Variants in RAPGEF6 observed in about 807,000 individuals in gnomAD.
RAPGEF6 encodes the protein PDZ domain containing guanine nucleotide exchange factor (GEF) 2.
A neutral mutation model predicts 171.4 loss-of-function variants in RAPGEF6; 56 were observed. That is an observed-to-expected ratio of 0.33 (90% CI 0.26 to 0.41). RAPGEF6 has a LOEUF of 0.41. Among genes scored for constraint, RAPGEF6 ranks in the 10% least tolerant of loss-of-function variants. RAPGEF6 has a pLI of 1.00. For missense variants in RAPGEF6, 1,674 were observed against 1,921.4 expected, an observed-to-expected ratio of 0.87 and a Z score of 2.41; for synonymous variants, 692 against 650.1, an observed-to-expected ratio of 1.06 and a Z score of -0.98.
At chr5:131,443,148 G>T (rs943745384) in intron 22 of RAPGEF6, among the ~76,000 whole-genome samples, 14 of 152,084 alleles carry the variant, frequency 9.2e-5, no homozygotes, top group East Asian at 1.9e-4. Context: ...TCTCCATGTT[G>T]GTCAGTCTGG....
intron 4 of RAPGEF6, among the ~76,000 whole-genome samples, chr5:131,588,976 A>G (rs1008216080): frequency 5.9e-5 from 9 of 152,166 alleles, no homozygotes; most frequent in Admixed American, 4.6e-4. Flanking sequence ...AGACTGAGAC[A>G]GGAGAATTGC....
intron 11 of RAPGEF6, 23 bp from the exon 12 acceptor site, chr5:131,498,630 G>T (rs1015694902): frequency 4.4e-6 from 7 of 1,600,888 alleles, no homozygotes; most frequent in Non-Finnish European, 6.0e-6. Context: ...GGATAGGAAG[G>T]ATTAGAAAAT....
chr5:131,520,997 C>G (rs1758438409), intron 7 of RAPGEF6, among the ~76,000 whole-genome samples: 2 of 152,164 alleles, frequency 1.3e-5, no homozygotes, highest in African/African-American at 4.8e-5. Context: ...GGTAGAAAAG[C>G]AGCTCTAATT....
intron 7 of RAPGEF6, among the ~76,000 whole-genome samples, chr5:131,512,532 C>G (rs1554077456): frequency 6.6e-6 from 1 of 152,150 alleles, no homozygotes; most frequent in South Asian, 2.1e-4. Flanking sequence ...ACACCTACAA[C>G]TAGAAGAGTC....
Position 131,429,211 on chromosome 5 carries a change from A to G in RAPGEF6, c.4471T>C (p.Cys1491Arg), listed in dbSNP as rs752837398. ...SSTEKGLIVYCVTSPKKDDRY... is the reference protein window; with the variant it reads ...SSTEKGLIVYRVTSPKKDDRY... ...TCGTCCTTCTTGGGTGAGGTGACAC[A>G]GTACACTGGCATGAAAAATAAGCAA... Residue 1491 changes from cysteine (C) to arginine (R), a missense_variant, in exon 27 of 28, where the codon TGT (cysteine) becomes CGT (arginine). Coordinates refer to ENST00000509018, the MANE Select transcript of RAPGEF6 (RefSeq NM_016340.6). The G allele has an allele frequency of 3.2e-6, 5 of 1,579,026 alleles. No homozygotes were observed. In the South Asian group the frequency reaches 5.7e-5, roughly 18 times the overall value.
At position 131,461,934 on chromosome 5, in the gene RAPGEF6, T is replaced by G. The variant is rs1342619431; in HGVS notation, c.2635A>C (p.Ile879Leu). ...SMRDFDLFRNIEPTEYIDDLF... is the reference protein window; with the variant it reads ...SMRDFDLFRNLEPTEYIDDLF... ...TCATCGATGTACTCAGTCGGTTCAA[T>G]ATTACGAAACAAATCAAAGTCCCTC... The change falls in exon 19 of 28, where the codon ATT becomes CTT. Residue 879 changes from isoleucine to leucine, a missense_variant. By Grantham distance (5) the Ile-to-Leu change is conservative. Coordinates refer to ENST00000509018, the MANE Select transcript of RAPGEF6 (RefSeq NM_016340.6). 21 of 1,614,144 alleles carry G rather than the reference T, an allele frequency of 1.3e-5. No homozygotes were observed. The highest frequency in any genetic ancestry group is 1.8e-5 in the Non-Finnish European group (21 of 1,180,008).
At chr5:131,525,242 A>G (rs962812346) in intron 6 of RAPGEF6, among the ~76,000 whole-genome samples, 2 of 152,224 alleles carry the variant, frequency 1.3e-5, no homozygotes, top group African/African-American at 4.8e-5. Flanking sequence ...CTTTTAGGGC[A>G]CAAATAAAAA....
intron 17 of RAPGEF6, chr5:131,472,322 C>A: frequency 1.9e-5 from 8 of 429,618 alleles, no homozygotes; most frequent in South Asian, 1.4e-4. Context: ...CCGCCCGCCT[C>A]GGCCTCCCAA....
At chr5:131,592,843 CAG>C (rs1451550540) in intron 3 of RAPGEF6, among the ~76,000 whole-genome samples, 8 of 152,010 alleles carry the variant, frequency 5.3e-5, no homozygotes, top group Non-Finnish European at 1.0e-4. Flanking sequence ...AAAAAGAAAA[CAG>C]AAGAATTGTA....
Position 131,615,483 on chromosome 5 carries a change from C to G in RAPGEF6, c.70-10790G>C, listed in dbSNP as rs972129443. Among the ~76,000 whole-genome samples, 3 of 152,062 alleles carry G rather than the reference C, an allele frequency of 2.0e-5. No individual in the cohort carries two copies. In the South Asian group the frequency reaches 6.2e-4, roughly 32 times the overall value. ...AGTCACAAATAAAAAAAGAAAGAAC[C>G]CTGACAGAGTCAGACTGGAAGTCTT... On this transcript the variant is annotated intron_variant, in intron 1 of 27. Transcript: ENST00000509018.
At chr5:131,505,819 C>A (rs139441709) in intron 9 of RAPGEF6, among the ~76,000 whole-genome samples, 2 of 152,260 alleles carry the variant, frequency 1.3e-5, no homozygotes, top group East Asian at 3.9e-4. Flanking sequence ...CCATACCATG[C>A]CACCAACTAG....
intron 15 of RAPGEF6, among the ~76,000 whole-genome samples, chr5:131,483,284 G>C (rs1755618530): frequency 6.7e-6 from 1 of 148,988 alleles, no homozygotes; most frequent in African/African-American, 2.5e-5. Flanking sequence ...GGGAGGCGGA[G>C]GTTGCAGTGA....
chr5:131,515,314 A>G (rs1292844379), intron 7 of RAPGEF6, among the ~76,000 whole-genome samples: 1 of 152,150 alleles, frequency 6.6e-6, no homozygotes, highest in African/African-American at 2.4e-5. Context: ...CTATGAAGTT[A>G]ATCTTTCAGT....
At position 131,630,513 on chromosome 5, in the gene RAPGEF6, C is replaced by T. The variant is rs979247873; in HGVS notation, c.69+4449G>A. 9.9e-5 allele frequency among the ~76,000 whole-genome samples: 15 copies of T among 152,226 alleles called. No individual in the cohort carries two copies. The South Asian group carries it at 2.7e-3, about 27-fold the overall frequency. Reference sequence around the variant, plus strand: ...TGTTGTTTTAGTGCACTTAATTGTCCATGGAGTATTTAAGTCTGAAATTTT... The same window carrying T: ...TGTTGTTTTAGTGCACTTAATTGTCTATGGAGTATTTAAGTCTGAAATTTT... On this transcript the variant is annotated intron_variant, in intron 1 of 27. Transcript: ENST00000509018.
chr5:131,466,287 A>C (rs1166248687), intron 17 of RAPGEF6, among the ~76,000 whole-genome samples: 1 of 152,076 alleles, frequency 6.6e-6, no homozygotes, highest in Non-Finnish European at 1.5e-5. Flanking sequence ...CTCTTTCCTC[A>C]ATGTATTAAG....
At chr5:131,579,980 G>A (rs770684903) in intron 4 of RAPGEF6, among the ~76,000 whole-genome samples, 8 of 152,258 alleles carry the variant, frequency 5.3e-5, no homozygotes, top group Non-Finnish European at 7.3e-5. Context: ...TTGCCTAGTG[G>A]ACCCAGCACC....
Position 131,472,709 on chromosome 5 carries a change from A to G in RAPGEF6, c.2117T>C (p.Ile706Thr). 1 of 1,612,574 alleles carries G rather than the reference A, an allele frequency of 6.2e-7. No homozygotes were observed. The highest frequency in any genetic ancestry group is 8.5e-7 in the Non-Finnish European group (1 of 1,178,572). ...ATGCCTACAGTGCCTTGTTCCCACA[A>G]TGCTGTCATCTTGTGATTGGCTTAG... is the stretch of plus-strand genomic sequence containing the variant. ...GGLSQSQDDS[I>T]VGTRHCRHSL... The change falls in exon 17 of 28, where the codon ATT (isoleucine) becomes ACT (threonine). Residue 706 changes from isoleucine (I) to threonine (T), a missense_variant. Coordinates refer to ENST00000509018, the MANE Select transcript of RAPGEF6 (RefSeq NM_016340.6).
chr5:131,518,314 T>C (rs1758235935), intron 7 of RAPGEF6, among the ~76,000 whole-genome samples: 1 of 152,106 alleles, frequency 6.6e-6, no homozygotes, highest in Non-Finnish European at 1.5e-5. Flanking sequence ...TGTTTATCTT[T>C]ATTGGCTTCT....
chr5:131,479,700 T>C lies in RAPGEF6; in HGVS notation c.1894A>G (p.Ile632Val). ...TEQEKSGVPH[I>V]PKIAEKKSNR... ...CTTTTTTTTTCAGCAATTTTGGGAA[T>C]ATGAGGAACACCAGATTTCTCTTGT... The change falls in exon 16 of 28, where the codon ATT (isoleucine) becomes GTT (valine). Residue 632 changes from isoleucine to valine, a missense_variant. Physicochemically the swap from Ile to Val is conservative, Grantham distance 29 (BLOSUM62 3). This residue lies in a region of RAPGEF6 where 1,116 missense variants were observed against 1,321.5 expected (regional missense o/e 0.84). Transcript: ENST00000509018. 1.9e-6 allele frequency: 3 copies of C among 1,613,946 alleles called. No homozygotes were observed. Among genetic ancestry groups the C allele is most frequent in the South Asian group, 2.2e-5 (2 of 91,076 alleles).
Sources: allele counts gnomAD v4.1 joint callset (sites outside exome capture counted in the v4.1 genomes callset), GRCh38; gene constraint gnomAD v4.1.1; regional missense constraint gnomAD v4.1.1; transcripts MANE v1.5; gene names NCBI Gene and HGNC (gene_info 2026-07-23, HGNC 2026-07-21).